COL4A6: variants seen among roughly 807,000 people sequenced by gnomAD.
The protein encoded by COL4A6 is collagen type IV alpha 6 chain, also known as collagen alpha-6(IV) chain.
In COL4A6, 59 loss-of-function variants were observed where a neutral mutation model predicts 126.7. The observed-to-expected ratio is 0.47, with a 90% confidence interval of 0.38 to 0.58. The LOEUF (loss-of-function observed/expected upper bound fraction) is 0.58. COL4A6 is among the 20% of genes least tolerant of loss of function. The probability of loss-of-function intolerance (pLI) is 0.00; values close to 1 mark genes in which losing one functional copy is unlikely to be tolerated. For synonymous variants in COL4A6, 547 were observed against 496.6 expected (o/e 1.10, Z -1.35); for missense variants, 1,285 against 1,337.3 (o/e 0.96, Z 0.61).
chrX:108,338,086 G>A (rs1300495030), intron 2 of COL4A6, among the ~76,000 whole-genome samples: 4 of 111,467 alleles, frequency 3.6e-5, no homozygotes, highest in Non-Finnish European at 7.6e-5. Context: ...CTTGAAAGAA[G>A]TGTTAGTTTG....
rs748276052 is a variant in COL4A6 at position 108,171,403 on chromosome X, G to A, written c.3261C>T (p.Gly1087=). 21 of 1,208,281 alleles carry A rather than the reference G, an allele frequency of 1.7e-5. No individual in the cohort carries two copies. Among genetic ancestry groups the A allele is most frequent in the South Asian group, 7.1e-5 (4 of 56,530 alleles). The part of the protein sequence containing the change: ...SGSPGPKGQP[G]ESGFKGTKGR... ...CAACCTTACCTTTAAAACCAGATTC[G>A]CCAGGCTGTCCCTTGGGTCCTGGGC... The change falls in exon 33 of 45, where the codon GGC becomes GGT. Residue 1087 remains glycine (G), a synonymous_variant. Transcript: ENST00000334504.
intron 2 of COL4A6, among the ~76,000 whole-genome samples, chrX:108,371,206 G>A (rs2040315175): frequency 9.3e-6 from 1 of 107,034 alleles, no homozygotes; most frequent in Admixed American, 1.0e-4. Flanking sequence ...CATCTATTGT[G>A]TTTTTTTTAA....
intron 2 of COL4A6, among the ~76,000 whole-genome samples, chrX:108,412,729 A>G (rs2041356092): frequency 8.9e-6 from 1 of 112,495 alleles, no homozygotes; most frequent in Admixed American, 9.4e-5. Flanking sequence ...TCTGACAGCC[A>G]GTGTATAATG....
chrX:108,273,787 T>C (rs1169864428), intron 3 of COL4A6, among the ~76,000 whole-genome samples: 1 of 112,371 alleles, frequency 8.9e-6, no homozygotes, highest in East Asian at 2.8e-4. Context: ...CCATGTTTTC[T>C]CACGTGTCCC....
intron 2 of COL4A6, among the ~76,000 whole-genome samples, chrX:108,389,337 T>C (rs1371529298): frequency 3.6e-5 from 4 of 111,670 alleles, no homozygotes; most frequent in Non-Finnish European, 5.6e-5. Flanking sequence ...CCCACTATTA[T>C]TGTGTGTGAG....
At chrX:108,159,920 T>G in intron 43 of COL4A6, 172 bp from the exon 44 acceptor site, 1 of 537,329 alleles carries the variant, frequency 1.9e-6, no homozygotes, top group South Asian at 2.5e-5. Flanking sequence ...CTATTTTAAA[T>G]GCACCAGGGA....
At chrX:108,236,878 C>A (rs920852177) in intron 3 of COL4A6, among the ~76,000 whole-genome samples, 2 of 111,625 alleles carry the variant, frequency 1.8e-5, no homozygotes, top group African/African-American at 6.5e-5. Context: ...TCTGAAACCC[C>A]CTCCTTGGCT....
At chrX:108,188,107 G>C in intron 21 of COL4A6, 80 bp from the exon 22 acceptor site, 2 of 836,786 alleles carry the variant, frequency 2.4e-6, no homozygotes, top group East Asian at 3.2e-5. Context: ...TTATGACTTA[G>C]AGCAGAACCT....
chrX:108,330,491 C>T (rs2039270802), intron 2 of COL4A6, among the ~76,000 whole-genome samples: 1 of 111,452 alleles, frequency 9.0e-6, no homozygotes, highest in Non-Finnish European at 1.9e-5. Flanking sequence ...ATTTTAAGGA[C>T]ATGATCCTTC....
chrX:108,299,576 G>A (rs754570452), intron 3 of COL4A6, among the ~76,000 whole-genome samples: 17 of 111,821 alleles, frequency 1.5e-4, no homozygotes, highest in Admixed American at 2.8e-4. Context: ...AGCTCTGAGA[G>A]AGAACCTAAC....
Position 108,187,327 on chromosome X carries a change from T to G in COL4A6, c.1768-48A>C, listed in dbSNP as rs762157301. The G allele has an allele frequency of 9.8e-6, 10 of 1,016,117 alleles. No individual in the cohort carries two copies. The African/African-American group carries it at 1.9e-4, about 19-fold the overall frequency. The allele number at this position is 1,016,117 out of a possible 1,213,427, so 83.7% of individuals were successfully genotyped here. A position where few individuals can be genotyped will look rare whatever the true frequency, so the allele number is the denominator to read the frequency against. On this transcript the variant is annotated intron_variant, in intron 22 of 44. Transcript: ENST00000334504. Reference sequence around the variant, plus strand: ...AATGAAAATTCAACTCAGAGATTTATCTGGACAGTCCTCTGACTACAGGAA... The same window carrying G: ...AATGAAAATTCAACTCAGAGATTTAGCTGGACAGTCCTCTGACTACAGGAA...
rs149971773 is a variant in COL4A6 at position 108,381,685 on chromosome X, C to T, written c.63+56257G>A. ...ACAAAGCAATTAGAATAGTACCTAG[C>T]ACATAGGTAACACTTGGTAAATGTT... On this transcript the variant is annotated intron_variant, in intron 2 of 44. Coordinates refer to ENST00000334504, the MANE Select transcript of COL4A6 (RefSeq NM_033641.4). Among the ~76,000 whole-genome samples the T allele has an allele frequency of 6.0e-3, 669 of 111,036 alleles. 2 individuals are homozygous for T. The highest frequency in any genetic ancestry group is 0.036 in the East Asian group (128 of 3,529).
intron 2 of COL4A6, among the ~76,000 whole-genome samples, chrX:108,355,752 T>A (rs192955748): frequency 9.0e-6 from 1 of 111,706 alleles, no homozygotes; most frequent in Non-Finnish European, 1.9e-5. Context: ...GGAAAGAAAG[T>A]TATAAATTGA....
intron 8 of COL4A6, 63 bp downstream of exon 8, chrX:108,209,906 G>A: frequency 2.6e-6 from 3 of 1,150,971 alleles, no homozygotes; most frequent in Admixed American, 2.3e-5. Context: ...AGAGAAGAAC[G>A]AAAATGCACC....
chrX:108,188,404 CTT>C, intron 21 of COL4A6, 111 bp downstream of exon 21: 1 of 786,138 alleles, frequency 1.3e-6, no homozygotes, highest in Non-Finnish European at 1.7e-6. Context: ...AACCCCAAAA[CTT>C]TGTTTTAATC....
In COL4A6 at chrX:108,162,959, T is replaced by G. The variant is rs35202133; in HGVS notation, c.4149A>C (p.Leu1383=). 1 of 1,202,098 alleles carries G rather than the reference T, an allele frequency of 8.3e-7. No individual in the cohort carries two copies. The highest frequency in any genetic ancestry group is 1.1e-6 in the Non-Finnish European group (1 of 891,103). Residue 1383 remains leucine (L), a synonymous_variant, in exon 41 of 45, where the codon CTA becomes CTC. Coordinates refer to ENST00000334504, the MANE Select transcript of COL4A6 (RefSeq NM_033641.4). ...GGCCAGGGATGCCATCGATCCCTGG[T>G]AGACCCAAGGGTCCAGGAGGAACCT... ...AVQVPPGPLG[L]PGIDGIPGLT...
At chrX:108,383,415 C>A in intron 2 of COL4A6, 3 of 495,181 alleles carry the variant, frequency 6.1e-6, no homozygotes, top group Non-Finnish European at 1.1e-5. Context: ...GCATCCTCAA[C>A]CCTGATGGCT....
At chrX:108,299,651 G>C (rs2038430763) in intron 3 of COL4A6, among the ~76,000 whole-genome samples, 1 of 112,420 alleles carries the variant, frequency 8.9e-6, no homozygotes, top group South Asian at 3.7e-4. Flanking sequence ...CAAGGACAGA[G>C]ACCACAATTT....
chrX:108,406,120 A>G (rs1207476417), intron 2 of COL4A6, among the ~76,000 whole-genome samples: 5 of 111,159 alleles, frequency 4.5e-5, no homozygotes, highest in African/African-American at 1.6e-4. Context: ...GGCACATGCC[A>G]CAATGCCTGG....
Sources: allele counts gnomAD v4.1 joint callset (sites outside exome capture counted in the v4.1 genomes callset), GRCh38; gene constraint gnomAD v4.1.1; transcripts MANE v1.5; gene names NCBI Gene and HGNC (gene_info 2026-07-23, HGNC 2026-07-21).